Variants in GALNTL6 observed in about 807,000 individuals in gnomAD.
GALNTL6 encodes polypeptide N-acetylgalactosaminyltransferase-like 6.
Under a neutral mutation model 73.7 loss-of-function variants are expected in GALNTL6, and 46 were observed. The ratio of observed to expected loss-of-function variants is 0.62; its 90% CI spans 0.49 to 0.80. The LOEUF (loss-of-function observed/expected upper bound fraction) is 0.80. Among genes scored for constraint, GALNTL6 ranks in the 30% least tolerant of loss-of-function variants. The pLI is 0.00. For synonymous variants in GALNTL6, 259 were observed against 263.7 expected (o/e 0.98, Z 0.17); for missense variants, 604 against 755.0 (o/e 0.80, Z 2.34).
intron 5 of GALNTL6, among the ~76,000 whole-genome samples, chr4:172,483,127 GA>G (rs1446483244): frequency 1.3e-5 from 2 of 152,064 alleles, no homozygotes; most frequent in Non-Finnish European, 2.9e-5. Context: ...ATTTTGCATG[GA>G]AAATTACTTA....
At chr4:172,567,048 G>C (rs944931977) in intron 5 of GALNTL6, among the ~76,000 whole-genome samples, 1 of 151,132 alleles carries the variant, frequency 6.6e-6, no homozygotes, top group African/African-American at 2.4e-5. Flanking sequence ...AAAGAATTCT[G>C]TTGTAATACA....
At chr4:172,488,770 A>T (rs1056749076) in intron 5 of GALNTL6, among the ~76,000 whole-genome samples, 3 of 150,514 alleles carry the variant, frequency 2.0e-5, no homozygotes, top group Admixed American at 2.0e-4. Flanking sequence ...GACAGATTTC[A>T]GAACCCCACC....
chr4:172,349,399 G>T (rs1168735137), intron 5 of GALNTL6, among the ~76,000 whole-genome samples: 1 of 152,010 alleles, frequency 6.6e-6, no homozygotes, highest in African/African-American at 2.4e-5. Context: ...CTGTTAGAAA[G>T]AATGACAGTA....
At position 172,504,461 on chromosome 4, in the gene GALNTL6, A is replaced by G. The variant is rs1188233479; in HGVS notation, c.553+155772A>G. Among the ~76,000 whole-genome samples, 14 of 53,222 alleles carry G rather than the reference A, an allele frequency of 2.6e-4. 6 individuals are homozygous for G. Among genetic ancestry groups the G allele is most frequent in the Admixed American group, 5.4e-4 (2 of 3,676 alleles). The allele number at this position is 53,222 out of a possible 152,430, so 34.9% of individuals were successfully genotyped here. ...GGTTTCTTCCCTCCCAGGGAAACCA[A>G]TAGATAGGGGTGCTTCTTCCTTGAT... On this transcript the variant is annotated intron_variant, in intron 5 of 12. Transcript: ENST00000506823.
intron 11 of GALNTL6, among the ~76,000 whole-genome samples, chr4:173,009,555 A>G (rs906787487): frequency 1.3e-5 from 2 of 152,242 alleles, no homozygotes; most frequent in Non-Finnish European, 2.9e-5. Flanking sequence ...GATGGGAGAA[A>G]TGTGGATTGC....
At chr4:172,082,027 T>A (rs1353746946) in intron 2 of GALNTL6, among the ~76,000 whole-genome samples, 1 of 151,826 alleles carries the variant, frequency 6.6e-6, no homozygotes, top group Admixed American at 6.6e-5. Context: ...CAGGCACCCA[T>A]CAAATTGCCC....
intron 5 of GALNTL6, among the ~76,000 whole-genome samples, chr4:172,731,117 G>C (rs1553981399): frequency 6.6e-6 from 1 of 151,700 alleles, no homozygotes; most frequent in Non-Finnish European, 1.5e-5. Flanking sequence ...GTTTGAGTAG[G>C]ATTGATATTA....
chr4:172,207,036 C>T (rs1000073639), intron 2 of GALNTL6, among the ~76,000 whole-genome samples: 1 of 151,264 alleles, frequency 6.6e-6, no homozygotes, highest in South Asian at 2.1e-4. Context: ...CCAGGATGAT[C>T]TCAATCTCCT....
At chr4:172,013,605 G>T (rs940954632) in intron 2 of GALNTL6, among the ~76,000 whole-genome samples, 1 of 151,124 alleles carries the variant, frequency 6.6e-6, no homozygotes, top group Admixed American at 6.6e-5. Flanking sequence ...TACATTTGTG[G>T]GGCACATGAA....
chr4:172,314,600 CTT>C (rs773057515), intron 4 of GALNTL6, among the ~76,000 whole-genome samples: 4 of 70,706 alleles, frequency 5.7e-5, no homozygotes, highest in Middle Eastern at 0.016. Flanking sequence ...AATGCGTAGG[CTT>C]TTTTTTTTTT....
At chr4:172,775,820 T>C (rs1465673990) in intron 5 of GALNTL6, among the ~76,000 whole-genome samples, 1 of 152,142 alleles carries the variant, frequency 6.6e-6, no homozygotes, top group Non-Finnish European at 1.5e-5. Flanking sequence ...GAGATTCTCT[T>C]TGAGGGATTG....
intron 2 of GALNTL6, among the ~76,000 whole-genome samples, chr4:172,084,090 C>T (rs1731959514): frequency 6.6e-6 from 1 of 152,086 alleles, no homozygotes; most frequent in Non-Finnish European, 1.5e-5. Context: ...TGAAGTAGAT[C>T]ACAGAGTTGT....
rs145970706 is a variant in GALNTL6 at position 171,989,719 on chromosome 4, T to G, written c.138+175001T>G. Among the ~76,000 whole-genome samples the G allele has an allele frequency of 3.8e-4, 58 of 152,316 alleles. No homozygotes were observed. In the East Asian group the frequency reaches 0.011, roughly 28 times the overall value. ...GTGGGGTTTGAGGTCTGGAATTTAA[T>G]TTTTGCAGTTTTATTTAATGTCAGG... is the stretch of plus-strand genomic sequence containing the variant. On this transcript the variant is annotated intron_variant, in intron 2 of 12. Transcript: ENST00000506823.
intron 2 of GALNTL6, among the ~76,000 whole-genome samples, chr4:172,150,669 A>C (rs928736959): frequency 6.6e-6 from 1 of 152,190 alleles, no homozygotes; most frequent in Non-Finnish European, 1.5e-5. Flanking sequence ...AAATAAATTG[A>C]GTAACAGGTC....
chr4:172,004,831 A>G (rs1409997569), intron 2 of GALNTL6, among the ~76,000 whole-genome samples: 2 of 151,956 alleles, frequency 1.3e-5, no homozygotes, highest in East Asian at 3.9e-4. Context: ...CTAATCCCCC[A>G]ATTTTTTTTT....
chr4:173,029,727 CTT>C (rs1753379501), intron 12 of GALNTL6, among the ~76,000 whole-genome samples: 1 of 152,202 alleles, frequency 6.6e-6, no homozygotes, highest in African/African-American at 2.4e-5. Context: ...TCTCTCCAAT[CTT>C]ATATCTGTAC....
At chr4:172,114,656 T>TA (rs544988334) in intron 2 of GALNTL6, among the ~76,000 whole-genome samples, 87 of 152,282 alleles carry the variant, frequency 5.7e-4, no homozygotes, top group Middle Eastern at 3.4e-3. Flanking sequence ...ATTGACAATT[T>TA]AATTAGGATT....
intron 10 of GALNTL6, among the ~76,000 whole-genome samples, chr4:173,001,643 A>G (rs1167398463): frequency 6.6e-6 from 1 of 152,252 alleles, no homozygotes; most frequent in Admixed American, 6.5e-5. Flanking sequence ...GATCTAGAAT[A>G]TATATTTTCA....
At chr4:173,033,150 G>A (rs774120538) in intron 12 of GALNTL6, among the ~76,000 whole-genome samples, 6 of 152,026 alleles carry the variant, frequency 3.9e-5, no homozygotes, top group East Asian at 1.9e-4. Context: ...ACAGGCATGC[G>A]CCACCATGCC....
Sources: allele counts gnomAD v4.1 joint callset (sites outside exome capture counted in the v4.1 genomes callset), GRCh38; gene constraint gnomAD v4.1.1; transcripts MANE v1.5; gene names NCBI Gene and HGNC (gene_info 2026-07-23, HGNC 2026-07-21).